TRDN: variants seen among roughly 807,000 people sequenced by gnomAD.
The protein encoded by TRDN is triadin, also known as triadin in skeletal muscle.
Under a neutral mutation model 149.7 loss-of-function variants are expected in TRDN, and 161 were observed. That is an observed-to-expected ratio of 1.08 (90% CI 0.95 to 1.23). The LOEUF is 1.23. TRDN is among the 50% of genes most tolerant of loss of function. The pLI, the probability that TRDN is intolerant of heterozygous loss-of-function variation, is 0.00. For synonymous variants in TRDN, 294 were observed against 250.5 expected, an observed-to-expected ratio of 1.17 and a Z score of -1.64; for missense variants, 896 against 823.5, an observed-to-expected ratio of 1.09 and a Z score of -1.08.
At chr6:123,244,680 T>C (rs1026103561) in intron 38 of TRDN, among the ~76,000 whole-genome samples, 6 of 151,962 alleles carry the variant, frequency 3.9e-5, no homozygotes, top group African/African-American at 1.5e-4. Flanking sequence ...TTCATGATAT[T>C]ATCCAGGAGA....
intron 9 of TRDN, among the ~76,000 whole-genome samples, chr6:123,472,830 G>T (rs1383860430): frequency 6.6e-6 from 1 of 152,158 alleles, no homozygotes; most frequent in Non-Finnish European, 1.5e-5. Context: ...CCCAGCAGGG[G>T]CACACTGACA....
chr6:123,416,728 C>A (rs1009886852), intron 12 of TRDN, among the ~76,000 whole-genome samples: 2 of 142,234 alleles, frequency 1.4e-5, no homozygotes, highest in East Asian at 4.0e-4. Context: ...TTGACAGAGT[C>A]TTGCTCTGTT....
At chr6:123,415,122 G>A (rs2114524214) in intron 12 of TRDN, among the ~76,000 whole-genome samples, 1 of 152,238 alleles carries the variant, frequency 6.6e-6, no homozygotes, top group East Asian at 1.9e-4. Context: ...TAATATAAAT[G>A]TATGATGGAT....
At chr6:123,272,278 A>G (rs1050198509) in intron 29 of TRDN, among the ~76,000 whole-genome samples, 3 of 152,000 alleles carry the variant, frequency 2.0e-5, no homozygotes, top group South Asian at 2.1e-4. Context: ...AATTGGGTAC[A>G]TATTTCAGCC....
At chr6:123,446,913 A>AT (rs5879681) in intron 10 of TRDN, among the ~76,000 whole-genome samples, 289 of 150,626 alleles carry the variant, frequency 1.9e-3, no homozygotes, top group Non-Finnish European at 2.2e-3. Context: ...TTCTTCTTCT[A>AT]TTTTTTTTTT....
chr6:123,552,213 CT>C (rs1252183764), intron 2 of TRDN, among the ~76,000 whole-genome samples: 4 of 152,072 alleles, frequency 2.6e-5, no homozygotes, highest in Non-Finnish European at 4.4e-5. Context: ...CTTTAGGTTA[CT>C]TGTGGTCAGT....
chr6:123,247,837 G>C (rs1003941323), intron 38 of TRDN, among the ~76,000 whole-genome samples: 4 of 152,124 alleles, frequency 2.6e-5, no homozygotes, highest in African/African-American at 9.7e-5. Flanking sequence ...CATGCTACCT[G>C]ACCTCAAACT....
At chr6:123,622,472 C>T (rs998947438) in intron 1 of TRDN, among the ~76,000 whole-genome samples, 4 of 152,066 alleles carry the variant, frequency 2.6e-5, no homozygotes, top group African/African-American at 9.7e-5. Flanking sequence ...TGTGAATTTT[C>T]GACTGGTAAG....
chr6:123,323,284 T>A (rs1779325221), intron 23 of TRDN, among the ~76,000 whole-genome samples: 1 of 152,108 alleles, frequency 6.6e-6, no homozygotes, highest in Non-Finnish European at 1.5e-5. Flanking sequence ...CTAGTAAAAT[T>A]ATTCAGAGTG....
At chr6:123,424,915 A>T (rs557675821) in intron 12 of TRDN, among the ~76,000 whole-genome samples, 1 of 152,272 alleles carries the variant, frequency 6.6e-6, no homozygotes, top group East Asian at 1.9e-4. Flanking sequence ...CAACTTGTGC[A>T]TGAAGAAGAA....
intron 5 of TRDN, among the ~76,000 whole-genome samples, chr6:123,520,782 A>G (rs1779638896): frequency 6.6e-6 from 1 of 152,186 alleles, no homozygotes; most frequent in Admixed American, 6.5e-5. Flanking sequence ...TCATAAGTGA[A>G]CATTCACTAT....
chr6:123,265,392 G>T lies in TRDN; in HGVS notation c.1784-54C>A, dbSNP rs1776906870. 2.5e-6 allele frequency: 3 copies of T among 1,196,582 alleles called. No homozygotes were observed. The East Asian group carries it at 8.4e-5, about 34-fold the overall frequency. The allele number at this position is 1,196,582 out of a possible 1,614,324, so 74.1% of individuals were successfully genotyped here. ...AATGAGTGATAATTTTCTATCTATG[G>T]GTGACATATCAGCCCTTTATATTTC... On this transcript the variant is annotated intron_variant, in intron 32 of 40. Transcript: ENST00000334268.
intron 23 of TRDN, among the ~76,000 whole-genome samples, chr6:123,326,115 C>T (rs1018373061): frequency 6.6e-6 from 1 of 152,088 alleles, no homozygotes; most frequent in African/African-American, 2.4e-5. Flanking sequence ...AATTTTGAGA[C>T]TTAACTTTAT....
chr6:123,258,626 G>A (rs566341346), intron 35 of TRDN, among the ~76,000 whole-genome samples: 5 of 152,082 alleles, frequency 3.3e-5, no homozygotes, highest in Non-Finnish European at 7.4e-5. Flanking sequence ...GCCAGGTTTT[G>A]GTGTAAGGTT....
rs145456290 is a variant in TRDN at position 123,225,535 on chromosome 6, T to C, written c.1976-1404A>G. Among the ~76,000 whole-genome samples the C allele has an allele frequency of 6.5e-4, 98 of 149,738 alleles. 1 individual carries two copies. The highest frequency in any genetic ancestry group is 2.2e-3 in the African/African-American group (87 of 40,156). Reference sequence around the variant, plus strand: ...ACAGACACACACACACACACACACATACACACACATACACACACACAGAAT... The same window carrying C: ...ACAGACACACACACACACACACACACACACACACATACACACACACAGAAT... On this transcript the variant is annotated intron_variant, in intron 38 of 40. Transcript: ENST00000334268.
At chr6:123,634,003 G>A (rs539470157) in intron 1 of TRDN, among the ~76,000 whole-genome samples, 4 of 152,134 alleles carry the variant, frequency 2.6e-5, no homozygotes, top group African/African-American at 9.6e-5. Context: ...CTAAGGTAAT[G>A]AGTTATCTCT....
At chr6:123,255,993 G>A in intron 35 of TRDN, 91 bp from the exon 36 acceptor site, 1 of 722,362 alleles carries the variant, frequency 1.4e-6, no homozygotes, top group African/African-American at 1.9e-5. Flanking sequence ...AGAACATGCA[G>A]GTTTGTTACA....
intron 37 of TRDN, among the ~76,000 whole-genome samples, chr6:123,254,501 T>A (rs919453253): frequency 6.6e-6 from 1 of 152,026 alleles, no homozygotes; most frequent in Non-Finnish European, 1.5e-5. Flanking sequence ...AGCACTTTTT[T>A]AAAGTAATTG....
chr6:123,564,293 C>A (rs915509642), intron 2 of TRDN, among the ~76,000 whole-genome samples: 1 of 152,130 alleles, frequency 6.6e-6, no homozygotes. Flanking sequence ...AAGAAACACA[C>A]AAAATGTGCT....
Sources: gnomAD v4.1 joint callset for allele counts (sites outside exome capture counted in the v4.1 genomes callset) on GRCh38, gnomAD v4.1.1 for gene constraint, MANE v1.5 for transcripts, NCBI Gene and HGNC (gene_info 2026-07-23, HGNC 2026-07-21) for gene names.